SLC38A8: variants seen among roughly 807,000 people sequenced by gnomAD.
The protein encoded by SLC38A8 is amino acid transporter SLC38A8.
A neutral mutation model predicts 46.0 loss-of-function variants in SLC38A8; 65 were observed. That is an observed-to-expected ratio of 1.41 (90% CI 1.16 to 1.74). The LOEUF (loss-of-function observed/expected upper bound fraction) is 1.74. SLC38A8 is among the 40% of genes most tolerant of loss of function. The pLI, the probability that SLC38A8 is intolerant of heterozygous loss-of-function variation, is 0.00. For synonymous variants in SLC38A8, 447 were observed against 243.7 expected (o/e 1.83, Z -7.77); for missense variants, 998 against 567.9 (o/e 1.76, Z -7.70).
intron 6 of SLC38A8, among the ~76,000 whole-genome samples, chr16:84,028,435 A>G (rs2085192102): frequency 6.6e-6 from 1 of 152,032 alleles, no homozygotes; most frequent in Non-Finnish European, 1.5e-5. Flanking sequence ...ACCAAAAAAA[A>G]TTAGCCAGGC....
upstream of SLC38A8, among the ~76,000 whole-genome samples, chr16:84,043,327 G>A (rs1228387931): frequency 1.3e-5 from 2 of 152,184 alleles, no homozygotes. Flanking sequence ...GGCACATGCA[G>A]CTCAGATCCG....
At chr16:84,043,217 G>C (rs1185870484), upstream of SLC38A8, among the ~76,000 whole-genome samples, 1 of 152,194 alleles carries the variant, frequency 6.6e-6, no homozygotes, top group Admixed American at 6.5e-5. Context: ...GCGGCTGCTG[G>C]TCCCTAGGCC....
At chr16:84,036,331 C>T (rs35009646) in intron 3 of SLC38A8, among the ~76,000 whole-genome samples, 36,204 of 152,056 alleles carry the variant, frequency 0.24, 4,329 homozygotes, top group South Asian at 0.27. Flanking sequence ...GTCGGGAACT[C>T]GAGGCCAAGG....
chr16:84,022,378 A>G (rs1597258857), intron 7 of SLC38A8, among the ~76,000 whole-genome samples: 1 of 152,176 alleles, frequency 6.6e-6, no homozygotes. Context: ...GTTTGTGAGC[A>G]CCTGAGTCCA....
At chr16:84,030,703 C>A (rs897555183) in intron 5 of SLC38A8, among the ~76,000 whole-genome samples, 4 of 152,230 alleles carry the variant, frequency 2.6e-5, no homozygotes, top group Non-Finnish European at 2.9e-5. Context: ...CACCTTCCAA[C>A]CCACCAGCAG....
chr16:84,030,884 G>A (rs7195745), intron 5 of SLC38A8, among the ~76,000 whole-genome samples: 63,680 of 151,716 alleles, frequency 0.42, 14,652 homozygotes, highest in African/African-American at 0.62. Context: ...TGGGAAATCC[G>A]ATCTCAAGCA....
chr16:84,041,837 G>A (rs2085370297), intron 2 of SLC38A8, 132 bp downstream of exon 2: 3 of 805,572 alleles, frequency 3.7e-6, no homozygotes, highest in Non-Finnish European at 5.8e-6. Flanking sequence ...TAGCTGAGCG[G>A]GATAGAAAAT....
At chr16:84,023,922 A>C (rs2085126964) in intron 6 of SLC38A8, among the ~76,000 whole-genome samples, 1 of 152,180 alleles carries the variant, frequency 6.6e-6, no homozygotes, top group Non-Finnish European at 1.5e-5. Context: ...GCAGCAGAGA[A>C]TGTTTCCGTT....
intron 9 of SLC38A8, 88 bp downstream of exon 9, chr16:84,016,431 A>C: frequency 2.7e-6 from 4 of 1,476,840 alleles, no homozygotes; most frequent in Non-Finnish European, 3.7e-6. Flanking sequence ...CCCACCTTCC[A>C]GAACCTTGAC....
At chr16:84,042,344 C>T (rs75395400) in intron 1 of SLC38A8, among the ~76,000 whole-genome samples, 185 bp from the exon 2 acceptor site, 55 of 152,248 alleles carry the variant, frequency 3.6e-4, no homozygotes, top group African/African-American at 1.3e-3. Flanking sequence ...TCTAGTCCCC[C>T]TTCGTCTCCC....
chr16:84,028,573 A>AG (rs1269885891), intron 6 of SLC38A8, among the ~76,000 whole-genome samples: 1 of 151,022 alleles, frequency 6.6e-6, no homozygotes, highest in Non-Finnish European at 1.5e-5. Context: ...AAAAAAAGAA[A>AG]AAAAAAAAAA....
At chr16:84,009,941 C>G in intron 10 of SLC38A8, 64 bp from the exon 11 acceptor site, 1 of 1,454,042 alleles carries the variant, frequency 6.9e-7, no homozygotes, top group Non-Finnish European at 9.5e-7. Context: ...GCCACACACA[C>G]ATAAAAAATT....
chr16:84,020,501 G>C (rs984692048), intron 7 of SLC38A8, among the ~76,000 whole-genome samples: 1 of 152,118 alleles, frequency 6.6e-6, no homozygotes, highest in African/African-American at 2.4e-5. Flanking sequence ...TGTAGCTCTC[G>C]CTATCTGCCA....
chr16:84,024,873 G>C (rs1286798651), intron 6 of SLC38A8, among the ~76,000 whole-genome samples: 2 of 151,814 alleles, frequency 1.3e-5, no homozygotes, highest in Non-Finnish European at 2.9e-5. Context: ...TAGAGACAGG[G>C]TTTCACCATG....
chr16:84,026,208 C>G (rs894039030), intron 6 of SLC38A8, among the ~76,000 whole-genome samples: 1 of 151,774 alleles, frequency 6.6e-6, no homozygotes, highest in African/African-American at 2.4e-5. Context: ...CTGTTTGACT[C>G]CGCAGTTGGG....
chr16:84,036,974 G>A (rs1448232169), intron 2 of SLC38A8, 74 bp from the exon 3 acceptor site: 1 of 1,427,374 alleles, frequency 7.0e-7, no homozygotes. Flanking sequence ...CACCCCTCGG[G>A]CACACTCTCC....
At chr16:84,017,051 G>A (rs1567691777) in intron 8 of SLC38A8, 89 bp downstream of exon 8, 8 of 1,524,068 alleles carry the variant, frequency 5.2e-6, no homozygotes, top group African/African-American at 1.4e-5. Flanking sequence ...TAGTCCCACA[G>A]CCGCGTAGCC....
intron 5 of SLC38A8, among the ~76,000 whole-genome samples, chr16:84,030,060 G>A (rs1331257305): frequency 6.6e-6 from 1 of 152,216 alleles, no homozygotes; most frequent in Non-Finnish European, 1.5e-5. Context: ...ATTACTGAAA[G>A]TAAGATGAAG....
At chr16:84,037,456 C>A (rs11149617) in intron 2 of SLC38A8, among the ~76,000 whole-genome samples, 1 of 152,108 alleles carries the variant, frequency 6.6e-6, no homozygotes, top group South Asian at 2.1e-4. Context: ...CTCAGCGTGT[C>A]AGTGCTCAAG....
Sources: allele counts gnomAD v4.1 joint callset (sites outside exome capture counted in the v4.1 genomes callset), GRCh38; gene constraint gnomAD v4.1.1; transcripts MANE v1.5; gene names NCBI Gene and HGNC (gene_info 2026-07-23, HGNC 2026-07-21).